MEP1A: variants seen among roughly 807,000 people sequenced by gnomAD.
MEP1A encodes meprin A subunit alpha.
Under a neutral mutation model 84.5 loss-of-function variants are expected in MEP1A, and 68 were observed. The observed-to-expected ratio is 0.80, with a 90% CI of 0.66 to 0.98. The LOEUF (loss-of-function observed/expected upper bound fraction) is 0.98, where lower values mean the gene tolerates loss of function less well. Among genes scored for constraint, MEP1A ranks in the 50% least tolerant of loss-of-function variants. MEP1A has a pLI of 0.00. For synonymous variants in MEP1A, 337 were observed against 336.8 expected, an observed-to-expected ratio of 1.00 and a Z score of -0.01; for missense variants, 887 against 919.9, an observed-to-expected ratio of 0.96 and a Z score of 0.46.
rs569059515 is a variant in MEP1A, at chr6:46,809,159, CAT to C, written c.263-260_263-259del. 5.9e-5 allele frequency among the ~76,000 whole-genome samples: 9 copies of C among 152,170 alleles called. No homozygotes were observed. The South Asian group carries it at 8.3e-4, about 14-fold the overall frequency. ...TTATTATTTTATTTAGCCATATACA[CAT>C]GTGTATATTCTTATTTTGTAGACAT... On this transcript the variant is annotated intron_variant, in intron 5 of 13. Transcript: ENST00000230588.
rs1767134722 is a variant in MEP1A, at chr6:46,799,119, G to T, written c.200G>T (p.Gly67Val). The T allele has an allele frequency of 6.2e-7, 1 of 1,612,484 alleles. No individual in the cohort carries two copies. The highest frequency in any genetic ancestry group is 1.3e-5 in the African/African-American group (1 of 74,872). Reference sequence around the variant, plus strand: ...TTGTTTTCACAGAAATCCAGAAATGGCCTGAGAGACCCAAACACCAGGTGG... The same window carrying T: ...TTGTTTTCACAGAAATCCAGAAATGTCCTGAGAGACCCAAACACCAGGTGG... ...GDILLQKSRN[G>V]LRDPNTRWTF... Residue 67 changes from glycine to valine, a missense_variant, in exon 5 of 14, where the codon GGC (glycine) becomes GTC (valine). Physicochemically the swap from Gly to Val is moderately radical, Grantham distance 109 (BLOSUM62 -3). Coordinates refer to ENST00000230588, the MANE Select transcript of MEP1A (RefSeq NM_005588.3).
chr6:46,799,789 A>G (rs1767152166), intron 5 of MEP1A, among the ~76,000 whole-genome samples: 1 of 152,166 alleles, frequency 6.6e-6, no homozygotes, highest in African/African-American at 2.4e-5. Context: ...GAAATAAGTA[A>G]ATATTAGAAG....
At chr6:46,824,257 C>A (rs933881191) in intron 7 of MEP1A, among the ~76,000 whole-genome samples, 1 of 151,984 alleles carries the variant, frequency 6.6e-6, no homozygotes, top group South Asian at 2.1e-4. Context: ...AAGTCTTACA[C>A]ACACGTACAC....
chr6:46,814,661 C>T (rs909609610), intron 6 of MEP1A, among the ~76,000 whole-genome samples: 8 of 152,162 alleles, frequency 5.3e-5, no homozygotes, highest in Non-Finnish European at 1.2e-4. Flanking sequence ...CTGGTCCCTT[C>T]TCATTTGGGT....
In MEP1A at chr6:46,826,430, T is replaced by C; in HGVS notation, c.855T>C (p.Asp285=). 1 of 1,609,510 alleles carries C rather than the reference T, an allele frequency of 6.2e-7. No individual in the cohort carries two copies. Among genetic ancestry groups the C allele is most frequent in the Non-Finnish European group, 8.5e-7 (1 of 1,177,838 alleles). ...GTGGAATGATTCAGGGCACCAGAGA[T>C]GACACTGACTGGGCCCATCAGGACA... ...NICGMIQGTR[D]DTDWAHQDSA... The change falls in exon 9 of 14, where the codon GAT becomes GAC. Residue 285 remains aspartate (D), a synonymous_variant. Transcript: ENST00000230588.
At chr6:46,814,619 T>A (rs148578666) in intron 6 of MEP1A, among the ~76,000 whole-genome samples, 10 of 152,206 alleles carry the variant, frequency 6.6e-5, no homozygotes, top group African/African-American at 2.4e-4. Flanking sequence ...TGTTAAAGAA[T>A]CTTGTTTTGA....
Position 46,793,578 on chromosome 6 carries a change from T to C in MEP1A, c.94+2T>C. ...TTAAGTATCTTCCTGAAGAAAATGG[T>C]AAGAATTAGTTCAAATGCACAGAGA... On this transcript the variant is annotated splice_donor_variant, in intron 2 of 13. Coordinates refer to ENST00000230588, the MANE Select transcript of MEP1A (RefSeq NM_005588.3). LOFTEE classifies it high-confidence loss of function. 2.6e-6 allele frequency: 4 copies of C among 1,549,620 alleles called. No individual in the cohort carries two copies. Among genetic ancestry groups the C allele is most frequent in the African/African-American group, 1.4e-5 (1 of 72,576 alleles).
rs146995163 is a variant in MEP1A, at chr6:46,812,926, A to G, written c.380+3389A>G. 2.1e-3 allele frequency among the ~76,000 whole-genome samples: 326 copies of G among 152,186 alleles called. 1 individual carries two copies. The highest frequency in any genetic ancestry group is 7.2e-3 in the African/African-American group (298 of 41,550). ...GAGAATGTTCCATGTGCTGGTAACTATAATGTATATTCTGCAATTGTTGGG... is the reference window on the plus strand; with the variant it reads ...GAGAATGTTCCATGTGCTGGTAACTGTAATGTATATTCTGCAATTGTTGGG... On this transcript the variant is annotated intron_variant, in intron 6 of 13. Coordinates refer to ENST00000230588, the MANE Select transcript of MEP1A (RefSeq NM_005588.3).
intron 3 of MEP1A, among the ~76,000 whole-genome samples, chr6:46,795,677 T>A (rs1767035062): frequency 1.3e-5 from 2 of 152,180 alleles, no homozygotes; most frequent in Non-Finnish European, 2.9e-5. Context: ...CCACCTCATG[T>A]CTGGGCTGGT....
chr6:46,814,312 C>A lies in MEP1A; in HGVS notation c.380+4775C>A, dbSNP rs146092443. On this transcript the variant is annotated intron_variant, in intron 6 of 13. Transcript: ENST00000230588. ...AGCCTTGCCTTTGAGCACTAAGATTCTTTCTTCTGCTTGTTCGATTCTATT... is the reference window on the plus strand; with the variant it reads ...AGCCTTGCCTTTGAGCACTAAGATTATTTCTTCTGCTTGTTCGATTCTATT... Among the ~76,000 whole-genome samples the A allele has an allele frequency of 1.6e-3, 239 of 152,140 alleles. 2 individuals carry two copies. Among genetic ancestry groups the A allele is most frequent in the African/African-American group, 5.7e-3 (237 of 41,520 alleles).
chr6:46,823,256 C>T (rs1001398520), intron 7 of MEP1A, among the ~76,000 whole-genome samples: 73 of 152,228 alleles, frequency 4.8e-4, no homozygotes, highest in African/African-American at 1.7e-3. Context: ...CACCACACTT[C>T]TGCAGTCCTG....
At chr6:46,807,344 C>T (rs1767349158) in intron 5 of MEP1A, among the ~76,000 whole-genome samples, 2 of 151,554 alleles carry the variant, frequency 1.3e-5, no homozygotes, top group Admixed American at 6.6e-5. Flanking sequence ...ATATCCCTTT[C>T]TCTCAAGGAG....
intron 3 of MEP1A, among the ~76,000 whole-genome samples, chr6:46,795,596 G>T (rs1279050587): frequency 6.6e-6 from 1 of 152,084 alleles, no homozygotes. Flanking sequence ...ACCACGCCTG[G>T]CCTAGATCTA....
In MEP1A at chr6:46,797,780, CTTTCTTTCTTTCTCTTTCTT is replaced by C. The variant is rs1210646760; in HGVS notation, c.146-824_146-805del. On this transcript the variant is annotated intron_variant, in intron 3 of 13. Transcript: ENST00000230588. ...CAATAGTCTTTCTTTCTTTTTCTTT[CTTTCTTTCTTTCTCTTTCTT>C]TCTTTCTTTCTTTCTTTCTTTCTTT... is the stretch of plus-strand genomic sequence containing the variant. Among the ~76,000 whole-genome samples, 250 of 142,728 alleles carry C rather than the reference CTTTCTTTCTTTCTCTTTCTT, an allele frequency of 1.8e-3. 1 individual carries two copies. Among genetic ancestry groups the C allele is most frequent in the African/African-American group, 6.6e-3 (239 of 35,992 alleles). 93.6% of individuals were successfully genotyped at this position (142,728 alleles called of 152,430 possible).
intron 9 of MEP1A, among the ~76,000 whole-genome samples, chr6:46,826,873 G>A (rs1767960287): frequency 6.6e-6 from 1 of 152,036 alleles, no homozygotes; most frequent in Admixed American, 6.5e-5. Context: ...GATAACACAT[G>A]GGACTTTTAA....
downstream of MEP1A, among the ~76,000 whole-genome samples, chr6:46,843,437 G>C (rs947662015): frequency 7.2e-5 from 11 of 152,186 alleles, no homozygotes; most frequent in African/African-American, 2.7e-4. Context: ...ACCTATAGCT[G>C]TCTTGATAAT....
chr6:46,844,003 A>T (rs960312116), downstream of MEP1A, among the ~76,000 whole-genome samples: 2 of 152,212 alleles, frequency 1.3e-5, no homozygotes, highest in African/African-American at 4.8e-5. Flanking sequence ...CACTATGTAA[A>T]GTTCTTTTTT....
downstream of MEP1A, among the ~76,000 whole-genome samples, chr6:46,840,050 G>A (rs1274306030): frequency 6.6e-6 from 1 of 150,396 alleles, no homozygotes; most frequent in African/African-American, 2.4e-5. Context: ...AAAAAAAAAA[G>A]CTAAAGTTTC....
rs1165604263 is a variant in MEP1A, at chr6:46,793,712, T to C, written c.141T>C (p.Asn47=). The C allele has an allele frequency of 8.7e-6, 14 of 1,605,258 alleles. No individual in the cohort carries two copies. Among genetic ancestry groups the C allele is most frequent in the Non-Finnish European group, 1.2e-5 (14 of 1,172,958 alleles). The part of the protein sequence containing the change: ...FGEQKDISEI[N]LAAGLDLFQG... The stretch of plus-strand genomic sequence containing the variant: ...AACAGAAGGATATTTCAGAAATCAA[T>C]TTAGGTGAGTTCAATTTTTGTGTTA... The change falls in exon 3 of 14, where the codon AAT becomes AAC. Residue 47 remains asparagine, a synonymous_variant. Coordinates refer to ENST00000230588, the MANE Select transcript of MEP1A (RefSeq NM_005588.3).
Sources: allele counts gnomAD v4.1 joint callset (sites outside exome capture counted in the v4.1 genomes callset), GRCh38; gene constraint gnomAD v4.1.1; transcripts MANE v1.5; gene names NCBI Gene and HGNC (gene_info 2026-07-23, HGNC 2026-07-21).